WWOX: variants seen among roughly 807,000 people sequenced by gnomAD.
WWOX encodes WW domain containing oxidoreductase, also known as WW domain-containing oxidoreductase.
WWOX carries 69 observed loss-of-function variants against 46.2 expected under a neutral mutation model. The observed-to-expected ratio is 1.49, with a 90% CI of 1.23 to 1.82. WWOX has a LOEUF of 1.82. WWOX is among the 40% of genes most tolerant of loss of function. The pLI is 0.00. For missense variants in WWOX, 919 were observed against 542.6 expected (o/e 1.69, Z -6.89); for synonymous variants, 359 against 202.6 (o/e 1.77, Z -6.56).
Position 78,409,426 on chromosome 16 carries a change from G to A in WWOX, c.606-15444G>A, listed in dbSNP as rs1004260252. 3.3e-5 allele frequency among the ~76,000 whole-genome samples: 5 copies of A among 152,052 alleles called. No homozygotes were observed. In the East Asian group the frequency reaches 5.8e-4, roughly 18 times the overall value. On this transcript the variant is annotated intron_variant, in intron 6 of 8. Coordinates refer to ENST00000566780, the MANE Select transcript of WWOX (RefSeq NM_016373.4). ...ATTGATCTTTTTTCTGTCCCTAGTTGTTTGTCTTCTCTGCAATGTTACATA... is the reference window on the plus strand; with the variant it reads ...ATTGATCTTTTTTCTGTCCCTAGTTATTTGTCTTCTCTGCAATGTTACATA...
At chr16:78,224,086 C>T (rs2036975088) in intron 5 of WWOX, among the ~76,000 whole-genome samples, 1 of 152,114 alleles carries the variant, frequency 6.6e-6, no homozygotes, top group Admixed American at 6.5e-5. Flanking sequence ...TCATTGCAAG[C>T]TCCGTCTCCT....
chr16:78,328,313 G>C (rs938112013), intron 5 of WWOX, among the ~76,000 whole-genome samples: 1 of 152,178 alleles, frequency 6.6e-6, no homozygotes, highest in African/African-American at 2.4e-5. Flanking sequence ...CATGTGATTT[G>C]ATGTTTGGGT....
intron 6 of WWOX, among the ~76,000 whole-genome samples, chr16:78,391,568 C>T (rs948731910): frequency 6.6e-6 from 1 of 152,302 alleles, no homozygotes. Flanking sequence ...ATGACTCTGG[C>T]CAGGCACGGT....
intron 4 of WWOX, among the ~76,000 whole-genome samples, chr16:78,131,641 GC>G (rs1406844581): frequency 6.6e-6 from 1 of 151,680 alleles, no homozygotes; most frequent in Non-Finnish European, 1.5e-5. Flanking sequence ...GAGTGCAATG[GC>G]CCGATCTTGG....
chr16:78,774,171 G>A (rs929474883), intron 8 of WWOX, among the ~76,000 whole-genome samples: 8 of 152,152 alleles, frequency 5.3e-5, no homozygotes, highest in African/African-American at 1.9e-4. Context: ...GGGAGGCCAA[G>A]GCAGGCAGAT....
Position 78,654,468 on chromosome 16 carries a change from C to T in WWOX, c.1056+221716C>T, listed in dbSNP as rs147530740. 6.8e-4 allele frequency among the ~76,000 whole-genome samples: 103 copies of T among 152,126 alleles called. 2 individuals carry two copies. In the East Asian group the frequency reaches 0.019, roughly 28 times the overall value. On this transcript the variant is annotated intron_variant, in intron 8 of 8. Transcript: ENST00000566780. Reference sequence around the variant, plus strand: ...TGAACAAAACAGATGTTATCTCTACCCTTATGGTTTTTATATTTTAATAAA... The same window carrying T: ...TGAACAAAACAGATGTTATCTCTACTCTTATGGTTTTTATATTTTAATAAA...
chr16:78,651,167 T>G (rs2046957673), intron 8 of WWOX, among the ~76,000 whole-genome samples: 1 of 152,228 alleles, frequency 6.6e-6, no homozygotes, highest in Non-Finnish European at 1.5e-5. Flanking sequence ...TTCTTATATT[T>G]TAAGCATCAA....
chr16:79,053,171 C>T (rs1368300980), intron 8 of WWOX, among the ~76,000 whole-genome samples: 7 of 152,188 alleles, frequency 4.6e-5, no homozygotes, highest in Middle Eastern at 3.4e-3. Context: ...AACTGGATTG[C>T]GTTTTCTATT....
chr16:78,811,018 C>T (rs1457432191), intron 8 of WWOX, among the ~76,000 whole-genome samples: 1 of 152,164 alleles, frequency 6.6e-6, no homozygotes, highest in African/African-American at 2.4e-5. Flanking sequence ...TGTTTAGTAA[C>T]TTGCACTGTA....
At chr16:78,693,992 G>A (rs1350746442) in intron 8 of WWOX, among the ~76,000 whole-genome samples, 1 of 152,142 alleles carries the variant, frequency 6.6e-6, no homozygotes, top group East Asian at 1.9e-4. Context: ...CAGCACTTTA[G>A]GAGGCCGAGG....
chr16:78,546,802 A>G (rs189738190), intron 8 of WWOX, among the ~76,000 whole-genome samples: 1 of 152,248 alleles, frequency 6.6e-6, no homozygotes, highest in East Asian at 1.9e-4. Context: ...GAGAGCCTAG[A>G]AAACCTGGGC....
intron 4 of WWOX, among the ~76,000 whole-genome samples, chr16:78,160,249 C>T (rs1018271920): frequency 6.6e-6 from 1 of 151,916 alleles, no homozygotes; most frequent in East Asian, 1.9e-4. Context: ...GTGGCATGAT[C>T]ATCCTCCTGA....
intron 8 of WWOX, among the ~76,000 whole-genome samples, chr16:78,736,476 C>A (rs955305463): frequency 2.0e-5 from 3 of 152,156 alleles, no homozygotes; most frequent in Non-Finnish European, 4.4e-5. Context: ...TCCTGACCAC[C>A]GTTGGTGTCT....
intron 8 of WWOX, among the ~76,000 whole-genome samples, chr16:78,853,518 C>G (rs1030397160): frequency 6.6e-6 from 1 of 152,138 alleles, no homozygotes; most frequent in Non-Finnish European, 1.5e-5. Context: ...TTCCATAACC[C>G]GGTGTGCTAA....
intron 8 of WWOX, among the ~76,000 whole-genome samples, chr16:78,734,897 G>T (rs1238136258): frequency 1.8e-5 from 2 of 111,314 alleles, no homozygotes; most frequent in Non-Finnish European, 3.4e-5. Flanking sequence ...ATAGGGTCTG[G>T]CTCTGTTGGC....
chr16:78,790,502 C>A (rs1119562), intron 8 of WWOX, among the ~76,000 whole-genome samples: 1 of 152,140 alleles, frequency 6.6e-6, no homozygotes, highest in East Asian at 1.9e-4. Flanking sequence ...GAAGGTCTAC[C>A]TACAACTTTA....
intron 5 of WWOX, among the ~76,000 whole-genome samples, chr16:78,280,174 C>T (rs911809909): frequency 5.3e-5 from 8 of 152,172 alleles, no homozygotes; most frequent in African/African-American, 1.4e-4. Context: ...TCTTCAGGTA[C>T]AGTTTTTTAA....
intron 8 of WWOX, among the ~76,000 whole-genome samples, chr16:79,195,959 G>T (rs2051231380): frequency 6.6e-6 from 1 of 152,212 alleles, no homozygotes; most frequent in Non-Finnish European, 1.5e-5. Context: ...AGGTGGTAAA[G>T]ATGCCTTTGT....
At chr16:78,300,724 G>A (rs542265258) in intron 5 of WWOX, among the ~76,000 whole-genome samples, 4 of 152,066 alleles carry the variant, frequency 2.6e-5, no homozygotes, top group Admixed American at 1.3e-4. Flanking sequence ...TCAAGATAAC[G>A]TTTTTTTCTC....
Sources: allele counts gnomAD v4.1 joint callset (sites outside exome capture counted in the v4.1 genomes callset), GRCh38; gene constraint gnomAD v4.1.1; transcripts MANE v1.5; gene names NCBI Gene and HGNC (gene_info 2026-07-23, HGNC 2026-07-21).